Variants in DNM1L observed in about 807,000 individuals in gnomAD.
DNM1L encodes dynamin 1L.
In DNM1L, 33 loss-of-function variants were observed where a neutral mutation model predicts 92.8. The observed-to-expected ratio is 0.36, with a 90% CI of 0.27 to 0.48. The LOEUF is 0.48. Among genes scored for constraint, DNM1L ranks in the 20% least tolerant of loss-of-function variants. DNM1L has a pLI of 0.99. For missense variants in DNM1L, 485 were observed against 888.8 expected (o/e 0.55, Z 5.78); for synonymous variants, 284 against 305.0 (o/e 0.93, Z 0.72).
intron 1 of DNM1L, among the ~76,000 whole-genome samples, chr12:32,699,021 TAA>T (rs199972506): frequency 1.4e-5 from 2 of 143,118 alleles, no homozygotes; most frequent in African/African-American, 2.6e-5. Flanking sequence ...CCCCATCTCT[TAA>T]AAAAAAAAAA....
Position 32,743,557 on chromosome 12 carries a change from C to A in DNM1L, c.*147C>A. The A allele has an allele frequency of 2.7e-6, 2 of 731,058 alleles. No individual in the cohort carries two copies. Among genetic ancestry groups the A allele is most frequent in the East Asian group, 2.7e-5 (1 of 36,870 alleles). The allele number at this position is 731,058 out of a possible 1,614,324, so 45.3% of individuals were successfully genotyped here. On this transcript the variant is annotated 3_prime_UTR_variant, in exon 20 of 20. Transcript: ENST00000549701. ...CTGGCTATAAACTGAAAAGTGTATT[C>A]CAAATTGCAGAACACATCACACATT...
chr12:32,703,349 ACAACT>A (rs1262178398), intron 2 of DNM1L, among the ~76,000 whole-genome samples: 1 of 152,106 alleles, frequency 6.6e-6, no homozygotes, highest in Non-Finnish European at 1.5e-5. Flanking sequence ...GCTTAAAATG[ACAACT>A]CAACTACCCC....
At chr12:32,707,286 T>G in intron 2 of DNM1L, 81 bp from the exon 3 acceptor site, 4 of 1,148,978 alleles carry the variant, frequency 3.5e-6, no homozygotes, top group Non-Finnish European at 5.2e-6. Flanking sequence ...AAGAAGTGTT[T>G]TATTATGTTG....
rs143825135 is a variant in DNM1L, at chr12:32,742,784, GTAGA to G, written c.2154+41_2154+44del. On this transcript the variant is annotated intron_variant, in intron 19 of 19. Transcript: ENST00000549701. Reference sequence around the variant, plus strand: ...CCTTTTGATTTTTTATACTTGGGTAGTAGATAGAAACATAGAAATAGTTTTAAAT... The same window carrying G: ...CCTTTTGATTTTTTATACTTGGGTAGTAGAAACATAGAAATAGTTTTAAAT... 2.1e-3 allele frequency: 3,259 copies of G among 1,557,428 alleles called. 67 individuals carry two copies. In the African/African-American group the frequency reaches 0.036, roughly 17 times the overall value.
intron 17 of DNM1L, 39 bp from the exon 18 acceptor site, chr12:32,740,370 T>G (rs1955204529): frequency 6.2e-7 from 1 of 1,609,512 alleles, no homozygotes; most frequent in Non-Finnish European, 8.5e-7. Flanking sequence ...CATTTTAGTG[T>G]CACAAAAGTA....
At chr12:32,708,290 A>G in intron 4 of DNM1L, 66 bp downstream of exon 4, 4 of 1,057,878 alleles carry the variant, frequency 3.8e-6, no homozygotes, top group South Asian at 1.3e-5. Flanking sequence ...TATTCTGTAC[A>G]TAATATGTGA....
chr12:32,719,038 A>G (rs981556822), intron 7 of DNM1L, among the ~76,000 whole-genome samples: 2 of 151,802 alleles, frequency 1.3e-5, no homozygotes, highest in African/African-American at 2.4e-5. Flanking sequence ...TGTAGCATCA[A>G]CCTCTGGGCT....
intron 14 of DNM1L, chr12:32,737,509 A>G (rs1157701141): frequency 2.6e-6 from 1 of 387,996 alleles, no homozygotes; most frequent in Non-Finnish European, 4.7e-6. Flanking sequence ...AAAAAACAGT[A>G]TGCACAGAAC....
chr12:32,698,524 C>T (rs1952563435), intron 1 of DNM1L, among the ~76,000 whole-genome samples: 1 of 152,148 alleles, frequency 6.6e-6, no homozygotes. Context: ...TGTAAATAGT[C>T]CTTATGTAAA....
chr12:32,701,407 G>GT lies in DNM1L; in HGVS notation c.103-4dup, dbSNP rs1952693991. ...CTCATTTTGCTCTTGTATATATTCT[G>GT]TTTTCAGAGCAGCGGAAAGAGCTCA... On this transcript the variant is annotated splice_polypyrimidine_tract_variant and splice_region_variant and intron_variant, in intron 1 of 19. Transcript: ENST00000549701. 6.2e-7 allele frequency: 1 copy of GT among 1,613,336 alleles called. No individual in the cohort carries two copies. Among genetic ancestry groups the GT allele is most frequent in the African/African-American group, 1.3e-5 (1 of 74,884 alleles).
At chr12:32,727,639 CT>C in intron 9 of DNM1L, 1 of 307,342 alleles carries the variant, frequency 3.3e-6, no homozygotes, top group East Asian at 6.0e-5. Context: ...TACTACATGT[CT>C]TTAAAAATCA....
chr12:32,743,228 A>G (rs1565548940), intron 19 of DNM1L, 126 bp from the exon 20 acceptor site: 5 of 808,058 alleles, frequency 6.2e-6, no homozygotes, highest in Admixed American at 2.1e-5. Context: ...CAGAGAAGAT[A>G]TTGGTTAGTA....
intron 9 of DNM1L, among the ~76,000 whole-genome samples, chr12:32,724,024 A>T (rs1953945341): frequency 6.6e-6 from 1 of 151,638 alleles, no homozygotes; most frequent in Non-Finnish European, 1.5e-5. Context: ...CCTTCCTCTA[A>T]TGACAATCCA....
Position 32,693,996 on chromosome 12 carries a change from T to C in DNM1L, c.103-7419T>C, listed in dbSNP as rs151145223. Among the ~76,000 whole-genome samples the C allele has an allele frequency of 1.6e-3, 238 of 152,188 alleles. 6 individuals are homozygous for C. In the East Asian group the frequency reaches 0.03, roughly 19 times the overall value. ...ACCATCATTCTAGAAAGAAACCTGGTATCCATTAGTAGTCACTCCCCATTC... is the reference window on the plus strand; with the variant it reads ...ACCATCATTCTAGAAAGAAACCTGGCATCCATTAGTAGTCACTCCCCATTC... On this transcript the variant is annotated intron_variant, in intron 1 of 19. Coordinates refer to ENST00000549701, the MANE Select transcript of DNM1L (RefSeq NM_012062.5).
chr12:32,701,453 G>A lies in DNM1L; in HGVS notation c.141G>A (p.Gly47=). 1.2e-6 allele frequency: 2 copies of A among 1,613,792 alleles called. No homozygotes were observed. Among genetic ancestry groups the A allele is most frequent in the Non-Finnish European group, 1.7e-6 (2 of 1,179,710 alleles). Residue 47 remains glycine (G), a synonymous_variant, in exon 2 of 20, where the codon GGG becomes GGA. Coordinates refer to ENST00000549701, the MANE Select transcript of DNM1L (RefSeq NM_012062.5). The part of the protein sequence containing the change: ...GKSSVLESLV[G]RDLLPRGTGI... ...GCTCAGTGCTAGAAAGCCTGGTGGG[G>A]AGGGACCTGCTTCCCAGAGGTACTG...
intron 9 of DNM1L, among the ~76,000 whole-genome samples, chr12:32,729,725 G>A (rs142656662): frequency 7.4e-4 from 112 of 152,294 alleles, no homozygotes; most frequent in Non-Finnish European, 1.1e-3. Flanking sequence ...CTTCCAAAGT[G>A]TTGGGATTAC....
At position 32,688,225 on chromosome 12, in the gene DNM1L, C is replaced by T. The variant is rs546811392; in HGVS notation, c.102+8760C>T. Among the ~76,000 whole-genome samples, 55 of 152,220 alleles carry T rather than the reference C, an allele frequency of 3.6e-4. No individual in the cohort carries two copies. The South Asian group carries it at 0.011, about 31-fold the overall frequency. On this transcript the variant is annotated intron_variant, in intron 1 of 19. Transcript: ENST00000549701. ...CAGGCGTGAGCCACTGTGTGGGCCC[C>T]GTATGAATTTTAGATTTGGCTTCTC...
At chr12:32,720,637 A>G (rs1182227059) in intron 7 of DNM1L, 27 bp from the exon 8 acceptor site, 1 of 1,613,532 alleles carries the variant, frequency 6.2e-7, no homozygotes, top group Non-Finnish European at 8.5e-7. Flanking sequence ...GTTAAGCTGA[A>G]TAGTTTCGTT....
intron 12 of DNM1L, chr12:32,732,615 G>A (rs1451865530): frequency 2.2e-6 from 1 of 455,052 alleles, no homozygotes; most frequent in African/African-American, 2.0e-5. Context: ...TGGAATGTAA[G>A]TGCTGCTGCT....
Sources: allele counts gnomAD v4.1 joint callset (sites outside exome capture counted in the v4.1 genomes callset), GRCh38; gene constraint gnomAD v4.1.1; transcripts MANE v1.5; gene names NCBI Gene and HGNC (gene_info 2026-07-23, HGNC 2026-07-21).